CDS1: variants seen among roughly 807,000 people sequenced by gnomAD.
CDS1 encodes CDP-diacylglycerol synthase 1.
In CDS1, 41 loss-of-function variants were observed where a neutral mutation model predicts 62.1. The observed-to-expected ratio is 0.66, with a 90% confidence interval of 0.51 to 0.86. The LOEUF is 0.86. Among genes scored for constraint, CDS1 ranks in the 40% least tolerant of loss-of-function variants. The pLI is 0.00. For missense variants in CDS1, 470 were observed against 550.1 expected (o/e 0.85, Z 1.46); for synonymous variants, 185 against 192.6 (o/e 0.96, Z 0.32).
At chr4:84,583,971 G>T (rs1722338427) in intron 1 of CDS1, among the ~76,000 whole-genome samples, 1 of 152,146 alleles carries the variant, frequency 6.6e-6, no homozygotes, top group Non-Finnish European at 1.5e-5. Context: ...TGACGCGGGA[G>T]GCTTGGCTTC....
At chr4:84,591,377 G>C (rs1160521396) in intron 1 of CDS1, among the ~76,000 whole-genome samples, 2 of 152,130 alleles carry the variant, frequency 1.3e-5, no homozygotes, top group Non-Finnish European at 2.9e-5. Context: ...GCTTGGTTTG[G>C]TTCTGTGCAT....
chr4:84,624,046 C>A (rs1037830607), intron 5 of CDS1, among the ~76,000 whole-genome samples: 1 of 151,740 alleles, frequency 6.6e-6, no homozygotes, highest in Non-Finnish European at 1.5e-5. Context: ...CCGAGGCAGG[C>A]GGATCACAAG....
intron 8 of CDS1, 78 bp downstream of exon 8, chr4:84,635,429 C>T: frequency 1.3e-6 from 1 of 779,530 alleles, no homozygotes; most frequent in Non-Finnish European, 2.2e-6. Context: ...AACAACTGTG[C>T]TGTTGTGCAT....
chr4:84,632,456 G>C (rs1724051839), intron 6 of CDS1, among the ~76,000 whole-genome samples: 1 of 152,126 alleles, frequency 6.6e-6, no homozygotes, highest in Non-Finnish European at 1.5e-5. Context: ...ATTCAGATCT[G>C]TAAATTCATG....
At chr4:84,587,222 A>G (rs554231760) in intron 1 of CDS1, among the ~76,000 whole-genome samples, 2 of 152,216 alleles carry the variant, frequency 1.3e-5, no homozygotes, top group South Asian at 2.1e-4. Context: ...GTATTTGTAT[A>G]TATTTATATA....
At chr4:84,612,542 C>T (rs1330409491) in intron 3 of CDS1, among the ~76,000 whole-genome samples, 18 of 152,140 alleles carry the variant, frequency 1.2e-4, no homozygotes. Flanking sequence ...GACATGCATG[C>T]ATACATTTGG....
intron 2 of CDS1, among the ~76,000 whole-genome samples, chr4:84,607,600 A>G (rs1394218920): frequency 6.6e-6 from 1 of 151,904 alleles, no homozygotes; most frequent in Non-Finnish European, 1.5e-5. Context: ...TTTCTGTTCT[A>G]AGAAGGGAAT....
At chr4:84,638,711 GGGCC>G (rs1724290200) in intron 8 of CDS1, among the ~76,000 whole-genome samples, 2 of 151,906 alleles carry the variant, frequency 1.3e-5, no homozygotes, top group Admixed American at 6.6e-5. Flanking sequence ...AAATATTTGA[GGGCC>G]TACTATGTGT....
chr4:84,617,381 AC>A, intron 3 of CDS1, among the ~76,000 whole-genome samples, 182 bp from the exon 4 acceptor site: 1 of 152,108 alleles, frequency 6.6e-6, no homozygotes, highest in East Asian at 1.9e-4. Context: ...TATTTTGCCT[AC>A]CCCTTTGAGT....
At chr4:84,594,605 C>T (rs1365675736) in intron 1 of CDS1, among the ~76,000 whole-genome samples, 5 of 152,040 alleles carry the variant, frequency 3.3e-5, no homozygotes, top group Non-Finnish European at 7.4e-5. Flanking sequence ...TGTCCTGAGT[C>T]TCAATATTAG....
intron 6 of CDS1, among the ~76,000 whole-genome samples, chr4:84,632,761 A>G (rs754534169): frequency 1.3e-5 from 2 of 152,252 alleles, no homozygotes; most frequent in African/African-American, 2.4e-5. Flanking sequence ...TTTCAAGCAG[A>G]TAAAAATAGA....
In CDS1 at chr4:84,644,796, G is replaced by A. The variant is rs114627971; in HGVS notation, c.1153-426G>A. ...ATAGTAGTAAAATGTTTATTTCAGA[G>A]TAAGAACTATTAGGATAAACAAGTT... On this transcript the variant is annotated intron_variant, in intron 11 of 12. Transcript: ENST00000295887. Among the ~76,000 whole-genome samples the A allele has an allele frequency of 6.1e-3, 925 of 152,254 alleles. 7 individuals carry two copies. The highest frequency in any genetic ancestry group is 0.021 in the African/African-American group (871 of 41,548).
intron 5 of CDS1, among the ~76,000 whole-genome samples, chr4:84,630,109 A>T (rs1465173400): frequency 6.6e-6 from 1 of 152,194 alleles, no homozygotes; most frequent in Non-Finnish European, 1.5e-5. Context: ...CAAAAACAGC[A>T]TAGAAATTAT....
chr4:84,609,180 C>CAAAGAA (rs1723233823), intron 2 of CDS1, among the ~76,000 whole-genome samples: 1 of 91,474 alleles, frequency 1.1e-5, no homozygotes, highest in Non-Finnish European at 2.1e-5. Context: ...GACTCCGTCT[C>CAAAGAA]AAAAAAAAAA....
At chr4:84,632,406 C>T (rs1724050072) in intron 6 of CDS1, among the ~76,000 whole-genome samples, 1 of 151,986 alleles carries the variant, frequency 6.6e-6, no homozygotes, top group African/African-American at 2.4e-5. Context: ...TTTTTATTTT[C>T]TTAAACTGTA....
At position 84,617,553 on chromosome 4, in the gene CDS1, C is replaced by G. The variant is rs1446025301; in HGVS notation, c.343-11C>G. Reference sequence around the variant, plus strand: ...TGAGAAATGTATGTTAATGTTTTCTCTTGGTTTCAGGTTCTGGGCATCCAA... The same window carrying G: ...TGAGAAATGTATGTTAATGTTTTCTGTTGGTTTCAGGTTCTGGGCATCCAA... On this transcript the variant is annotated splice_polypyrimidine_tract_variant and intron_variant, in intron 3 of 12. Transcript: ENST00000295887. 4 of 1,378,662 alleles carry G rather than the reference C, an allele frequency of 2.9e-6. No individual in the cohort carries two copies. In the African/African-American group the frequency reaches 5.7e-5, roughly 20 times the overall value. 85.4% of individuals were successfully genotyped at this position (1,378,662 alleles called of 1,614,324 possible).
chr4:84,639,175 T>C (rs1426074444), intron 9 of CDS1, among the ~76,000 whole-genome samples, 183 bp downstream of exon 9: 3 of 152,200 alleles, frequency 2.0e-5, no homozygotes, highest in Non-Finnish European at 4.4e-5. Flanking sequence ...TAGAATCACC[T>C]GAGAAGCTTA....
Position 84,605,630 on chromosome 4 carries a change from C to A in CDS1, c.245+1260C>A, listed in dbSNP as rs150799350. On this transcript the variant is annotated intron_variant, in intron 2 of 12. Transcript: ENST00000295887. ...ATATAACTTTGCATTAAAATCTCAT[C>A]AAGTCTATCTCAGACCTGAAATTTT... Among the ~76,000 whole-genome samples the A allele has an allele frequency of 2.7e-4, 41 of 152,212 alleles. No individual in the cohort carries two copies. In the East Asian group the frequency reaches 6.6e-3, roughly 24 times the overall value.
intron 8 of CDS1, among the ~76,000 whole-genome samples, chr4:84,636,344 A>G (rs1191998640): frequency 6.6e-6 from 1 of 152,320 alleles, no homozygotes; most frequent in Non-Finnish European, 1.5e-5. Flanking sequence ...AGGAAAATAC[A>G]CATGAGTAGA....
Sources: allele counts gnomAD v4.1 joint callset (sites outside exome capture counted in the v4.1 genomes callset), GRCh38; gene constraint gnomAD v4.1.1; transcripts MANE v1.5; gene names NCBI Gene and HGNC (gene_info 2026-07-23, HGNC 2026-07-21).